Variants in RNF166 observed in about 807,000 individuals in gnomAD.
RNF166 encodes the protein ring finger protein 166.
In RNF166, 19 loss-of-function variants were observed where a neutral mutation model predicts 29.4. The ratio of observed to expected loss-of-function variants is 0.65; its 90% confidence interval spans 0.45 to 0.95. The LOEUF (loss-of-function observed/expected upper bound fraction) is 0.95. RNF166 is among the 40% of genes least tolerant of loss of function. The pLI is 0.00. For missense variants in RNF166, 347 were observed against 322.1 expected, an observed-to-expected ratio of 1.08 and a Z score of -0.59; for synonymous variants, 171 against 134.5, an observed-to-expected ratio of 1.27 and a Z score of -1.88.
Position 88,701,340 on chromosome 16 carries a change from G to A in RNF166, c.234C>T (p.Pro78=), listed in dbSNP as rs972348381. The A allele has an allele frequency of 3.7e-6, 6 of 1,613,480 alleles. No homozygotes were observed. The highest frequency in any genetic ancestry group is 1.1e-5 in the South Asian group (1 of 91,082). ...LCPLCRLPFD[P]KKVDKATHVE... is the part of the protein sequence containing the mutation. ...CGTGGGTGGCCTTGTCCACCTTCTT[G>A]GGGTCGAAGGGCAGGCGGCAGAGTG... is the stretch of plus-strand genomic sequence containing the variant. Residue 78 remains proline (P), a synonymous_variant, in exon 2 of 6, where the codon CCC becomes CCT. Transcript: ENST00000312838.
At chr16:88,704,001 G>A (rs1203011024) in intron 1 of RNF166, 1 of 985,346 alleles carries the variant, frequency 1.0e-6, no homozygotes, top group East Asian at 1.1e-4. Flanking sequence ...TCACTGCTCA[G>A]ACTGTCCCCT....
rs533172687 is a variant in RNF166 at position 88,696,574 on chromosome 16, G to T, written c.*994C>A. 53 of 451,812 alleles carry T rather than the reference G, an allele frequency of 1.2e-4. No individual in the cohort carries two copies. The highest frequency in any genetic ancestry group is 1.0e-3 in the African/African-American group (50 of 49,720). The allele number at this position is 451,812 out of a possible 1,614,324, so 28.0% of individuals were successfully genotyped here. A position where few individuals can be genotyped will look rare whatever the true frequency, so the allele number is the denominator to read the frequency against. The stretch of plus-strand genomic sequence containing the variant: ...AATAATTAATGCCAAGAACAGAAAA[G>T]AATGTTGACGTGTTGCCCGGCCCGC... On this transcript the variant is annotated 3_prime_UTR_variant, in exon 6 of 6. Transcript: ENST00000312838.
chr16:88,698,437 G>A (rs989083888), intron 5 of RNF166, 65 bp downstream of exon 5: 35 of 1,292,824 alleles, frequency 2.7e-5, no homozygotes, highest in Non-Finnish European at 3.7e-5. Context: ...GCTGGCGAGG[G>A]GCCCGAGCAG....
chr16:88,700,880 C>T (rs1258992081), intron 2 of RNF166: 25 of 1,124,122 alleles, frequency 2.2e-5, no homozygotes, highest in African/African-American at 1.0e-4. Flanking sequence ...TGACTGTGCC[C>T]GCGGCCCTTG....
At chr16:88,700,282 C>A (rs1251352762) in intron 2 of RNF166, among the ~76,000 whole-genome samples, 2 of 152,184 alleles carry the variant, frequency 1.3e-5, no homozygotes, top group Non-Finnish European at 2.9e-5. Context: ...CACCACATTC[C>A]AGCAAGGTGC....
rs748349939 is a variant in RNF166, at chr16:88,701,787, G to A, written c.156-369C>T. On this transcript the variant is annotated intron_variant, in intron 1 of 5. Transcript: ENST00000312838. ...ACAACACCTGGGTGGGCTGTGGGGC[G>A]CAGGGACAGCCCGGGGACTCTGGAA... is the stretch of plus-strand genomic sequence containing the variant. 1.7e-5 allele frequency: 4 copies of A among 239,710 alleles called. No individual in the cohort carries two copies. The East Asian group carries it at 2.6e-4, about 15-fold the overall frequency. The allele number at this position is 239,710 out of a possible 1,614,324, so 14.8% of individuals were successfully genotyped here.
At chr16:88,699,500 C>T in intron 3 of RNF166, 120 bp downstream of exon 3, 1 of 755,578 alleles carries the variant, frequency 1.3e-6, no homozygotes, top group Non-Finnish European at 2.1e-6. Context: ...TCCACTTCCC[C>T]AGAGTGGACC....
At chr16:88,703,649 C>G (rs778096830) in intron 1 of RNF166, 28 of 985,456 alleles carry the variant, frequency 2.8e-5, no homozygotes, top group South Asian at 4.7e-5. Context: ...AAGTTCCTGT[C>G]TGCGCCCACC....
intron 1 of RNF166, chr16:88,704,078 C>A (rs1278708948): frequency 1.0e-6 from 1 of 985,318 alleles, no homozygotes; most frequent in Non-Finnish European, 1.2e-6. Flanking sequence ...AGGGTGCATG[C>A]CCCCACACTG....
intron 5 of RNF166, 131 bp from the exon 6 acceptor site, chr16:88,697,764 C>T (rs1282976158): frequency 8.9e-6 from 6 of 675,264 alleles, no homozygotes; most frequent in Non-Finnish European, 1.6e-5. Flanking sequence ...GGACCCAGCT[C>T]CACTGTCCCC....
chr16:88,704,114 C>T, intron 1 of RNF166: 3 of 985,480 alleles, frequency 3.0e-6, no homozygotes, highest in South Asian at 9.4e-5. Flanking sequence ...GAGAGATCTA[C>T]CCTGGAGGAG....
chr16:88,700,782 ACGCTGCTCTGATG>A (rs1910137292), intron 2 of RNF166: 2 of 1,013,290 alleles, frequency 2.0e-6, no homozygotes, highest in African/African-American at 3.5e-5. Context: ...GCAGGCCCTT[ACGCTGCTCTGATG>A]TGGGTGTGGC....
At chr16:88,701,025 C>T (rs1910161448) in intron 2 of RNF166, 7 of 1,375,264 alleles carry the variant, frequency 5.1e-6, no homozygotes, top group Non-Finnish European at 6.6e-6. Context: ...GGCTAGGCGG[C>T]TCTGACAGTG....
In RNF166 at chr16:88,706,178, C is replaced by G. The variant is rs1398113370; in HGVS notation, c.148G>C (p.Gly50Arg). ...CTGGGCGGGCGCGCTCACGTGTGGC[C>G]GCAGCTGCCGATGGCCACGGGCCGG... ...YHRPVAIGSC[G>R]HTFCGECLQP... Residue 50 changes from glycine to arginine, a missense_variant, in exon 1 of 6, where the codon GGC becomes CGC. Transcript: ENST00000312838. 3 of 1,266,512 alleles carry G rather than the reference C, an allele frequency of 2.4e-6. No individual in the cohort carries two copies. In the Admixed American group the frequency reaches 1.1e-4, roughly 45 times the overall value. The allele number at this position is 1,266,512 out of a possible 1,614,324, so 78.5% of individuals were successfully genotyped here. A position where few individuals can be genotyped will look rare whatever the true frequency, so the allele number is the denominator to read the frequency against.
In RNF166 at chr16:88,706,193, C is replaced by T; in HGVS notation, c.133G>A (p.Ala45Thr). Residue 45 changes from alanine to threonine, a missense_variant, in exon 1 of 6, where the codon GCC becomes ACC. Physicochemically the swap from Ala to Thr is moderately conservative, Grantham distance 58 (BLOSUM62 0). Coordinates refer to ENST00000312838, the MANE Select transcript of RNF166 (RefSeq NM_178841.4). ...ICLEVYHRPV[A>T]IGSCGHTFCG... is the part of the protein sequence containing the mutation. ...CACGTGTGGCCGCAGCTGCCGATGG[C>T]CACGGGCCGGTGATAGACCTCCAGG... 2 of 1,295,270 alleles carry T rather than the reference C, an allele frequency of 1.5e-6. No individual in the cohort carries two copies. The highest frequency in any genetic ancestry group is 7.3e-5 in the East Asian group (2 of 27,290). 80.2% of individuals were successfully genotyped at this position (1,295,270 alleles called of 1,614,324 possible). A position where few individuals can be genotyped will look rare whatever the true frequency, so the allele number is the denominator to read the frequency against.
chr16:88,697,790 G>A, intron 5 of RNF166, 157 bp from the exon 6 acceptor site: 1 of 615,366 alleles, frequency 1.6e-6, no homozygotes, highest in Non-Finnish European at 3.0e-6. Context: ...CTCGGGGCCT[G>A]CACGGTCCTC....
chr16:88,705,258 T>G (rs1910664362), intron 1 of RNF166, among the ~76,000 whole-genome samples: 2 of 152,146 alleles, frequency 1.3e-5, no homozygotes, highest in Admixed American at 1.3e-4. Context: ...TCAGCTGACT[T>G]TGCTTGCAAA....
At chr16:88,703,058 C>A in intron 1 of RNF166, 1 of 985,550 alleles carries the variant, frequency 1.0e-6, no homozygotes, top group Non-Finnish European at 1.2e-6. Flanking sequence ...GCAGCCCCAC[C>A]ACGCACCGGA....
At chr16:88,697,842 T>C in intron 5 of RNF166, 1 of 539,850 alleles carries the variant, frequency 1.9e-6, no homozygotes, top group Non-Finnish European at 3.3e-6. Context: ...ACCCGCTGGG[T>C]ACGGGGGCAC....
Sources: gnomAD v4.1 joint callset for allele counts (sites outside exome capture counted in the v4.1 genomes callset) on GRCh38, gnomAD v4.1.1 for gene constraint, MANE v1.5 for transcripts, NCBI Gene and HGNC (gene_info 2026-07-23, HGNC 2026-07-21) for gene names.